Variants in GRM8 observed in about 807,000 individuals in gnomAD.
GRM8 encodes the protein glutamate metabotropic receptor 8, also known as metabotropic glutamate receptor 8.
GRM8 carries 47 observed loss-of-function variants against 87.2 expected under a neutral mutation model. The observed-to-expected ratio is 0.54, with a 90% CI of 0.43 to 0.69. The LOEUF is 0.69. GRM8 is among the 30% of genes least tolerant of loss of function. The pLI is 0.00. For synonymous variants in GRM8, 396 were observed against 404.5 expected, an observed-to-expected ratio of 0.98 and a Z score of 0.25; for missense variants, 1,019 against 1,139.2, an observed-to-expected ratio of 0.89 and a Z score of 1.52.
intron 7 of GRM8, among the ~76,000 whole-genome samples, chr7:126,665,393 G>A (rs546376171): frequency 1.4e-4 from 21 of 152,164 alleles, no homozygotes; most frequent in African/African-American, 4.3e-4. Flanking sequence ...AACCTAATAC[G>A]TATTCACCAT....
chr7:127,187,265 C>T (rs893003307), intron 2 of GRM8, among the ~76,000 whole-genome samples: 1 of 152,108 alleles, frequency 6.6e-6, no homozygotes, highest in East Asian at 1.9e-4. Flanking sequence ...AATATCAAAA[C>T]ATCTAGGTTA....
intron 6 of GRM8, among the ~76,000 whole-genome samples, chr7:126,894,729 C>A (rs2131127516): frequency 6.6e-6 from 1 of 152,126 alleles, no homozygotes; most frequent in East Asian, 1.9e-4. Flanking sequence ...GTCAGTGCAA[C>A]TCAGCCCCAC....
intron 7 of GRM8, among the ~76,000 whole-genome samples, chr7:126,723,844 A>T (rs770132024): frequency 1.3e-4 from 20 of 152,186 alleles, no homozygotes; most frequent in Non-Finnish European, 1.6e-4. Flanking sequence ...AAGAATGTTG[A>T]AGAATTTTAG....
intron 2 of GRM8, among the ~76,000 whole-genome samples, chr7:127,139,253 G>A (rs560154997): frequency 6.6e-6 from 1 of 152,226 alleles, no homozygotes; most frequent in African/African-American, 2.4e-5. Flanking sequence ...CATTAAGTGT[G>A]ACAGTATCTG....
chr7:127,095,745 C>T (rs1336912305), intron 3 of GRM8: 1 of 152,288 alleles, frequency 6.6e-6, no homozygotes, highest in East Asian at 1.9e-4. Context: ...AGGATGCTCT[C>T]TCTCAGGCAC....
At chr7:127,039,253 G>T (rs938908533) in intron 3 of GRM8, among the ~76,000 whole-genome samples, 1 of 152,102 alleles carries the variant, frequency 6.6e-6, no homozygotes, top group Non-Finnish European at 1.5e-5. Flanking sequence ...AAGTTAAAAT[G>T]CAGTCATTAT....
intron 7 of GRM8, among the ~76,000 whole-genome samples, chr7:126,727,287 A>G (rs1489737053): frequency 6.6e-6 from 1 of 152,038 alleles, no homozygotes; most frequent in Non-Finnish European, 1.5e-5. Flanking sequence ...CTTTTTAAAA[A>G]ATGCTGATCA....
chr7:126,841,146 C>T (rs917473539), intron 6 of GRM8, among the ~76,000 whole-genome samples: 1 of 152,162 alleles, frequency 6.6e-6, no homozygotes, highest in Admixed American at 6.5e-5. Flanking sequence ...ACAAAATAAC[C>T]CCCAAATTTT....
At chr7:126,912,941 T>A (rs1320477608) in intron 3 of GRM8, among the ~76,000 whole-genome samples, 2 of 152,336 alleles carry the variant, frequency 1.3e-5, no homozygotes, top group East Asian at 3.9e-4. Flanking sequence ...AAACTGGAAT[T>A]GTAGCCTGCA....
chr7:126,771,432 T>C (rs1277656601), intron 6 of GRM8, among the ~76,000 whole-genome samples: 8 of 151,964 alleles, frequency 5.3e-5, no homozygotes, highest in South Asian at 4.2e-4. Context: ...CTGTTTGGCA[T>C]AGGTTTTCCG....
chr7:126,986,018 C>CA (rs1812022765), intron 3 of GRM8, among the ~76,000 whole-genome samples: 1 of 151,832 alleles, frequency 6.6e-6, no homozygotes, highest in South Asian at 2.1e-4. Context: ...AAATTCAAGT[C>CA]ATTTTTTTTT....
chr7:127,089,283 C>T (rs1040027122), intron 3 of GRM8, among the ~76,000 whole-genome samples: 7 of 152,206 alleles, frequency 4.6e-5, no homozygotes, highest in African/African-American at 1.7e-4. Flanking sequence ...GCCACCAAAA[C>T]CGAGGAGAGA....
At chr7:126,652,830 C>G (rs747786196) in intron 7 of GRM8, among the ~76,000 whole-genome samples, 22 of 152,072 alleles carry the variant, frequency 1.4e-4, no homozygotes, top group Non-Finnish European at 2.6e-4. Flanking sequence ...CTAAAGAACC[C>G]TGACCAATAC....
chr7:126,788,780 C>T (rs1338753081), intron 6 of GRM8, among the ~76,000 whole-genome samples: 1 of 128,950 alleles, frequency 7.8e-6, no homozygotes, highest in African/African-American at 2.7e-5. Context: ...AGAGGTAGAT[C>T]TGGTCAGTTA....
intron 6 of GRM8, among the ~76,000 whole-genome samples, chr7:126,851,942 G>A (rs533145698): frequency 6.6e-6 from 1 of 152,248 alleles, no homozygotes; most frequent in South Asian, 2.1e-4. Context: ...TGTATAAAGA[G>A]TACTCAGTAC....
At chr7:126,664,460 T>C (rs1183581774) in intron 7 of GRM8, among the ~76,000 whole-genome samples, 2 of 151,910 alleles carry the variant, frequency 1.3e-5, no homozygotes, top group African/African-American at 4.8e-5. Context: ...TGTAACAGAA[T>C]AGGAAACCCA....
chr7:126,537,779 A>T, intron 8 of GRM8, among the ~76,000 whole-genome samples: 1 of 152,238 alleles, frequency 6.6e-6, no homozygotes. Flanking sequence ...TCCGTCAAAA[A>T]AAACAAACAA....
At chr7:127,103,550 C>T (rs946818090) in intron 3 of GRM8, among the ~76,000 whole-genome samples, 7 of 152,176 alleles carry the variant, frequency 4.6e-5, no homozygotes, top group African/African-American at 1.7e-4. Flanking sequence ...TCATAAATTA[C>T]TCACTTTCAG....
At chr7:126,989,050 CA>C (rs1812381922) in intron 3 of GRM8, among the ~76,000 whole-genome samples, 1 of 152,124 alleles carries the variant, frequency 6.6e-6, no homozygotes. Context: ...AAACTTCTCC[CA>C]AACATATAAA....
Sources: gnomAD v4.1 joint callset for allele counts (sites outside exome capture counted in the v4.1 genomes callset) on GRCh38, gnomAD v4.1.1 for gene constraint, MANE v1.5 for transcripts, NCBI Gene and HGNC (gene_info 2026-07-23, HGNC 2026-07-21) for gene names.